The following GALNT17 variants were observed in gnomAD, a reference collection of about 807,000 sequenced individuals.
The protein encoded by GALNT17 is UDP-GalNAc:polypeptide N-acetylgalactosaminyltransferase-like 3.
GALNT17 carries 29 observed loss-of-function variants against 63.7 expected under a neutral mutation model. The observed-to-expected ratio is 0.46, with a 90% CI of 0.34 to 0.62. The LOEUF (loss-of-function observed/expected upper bound fraction) is 0.62, where lower values mean the gene tolerates loss of function less well. Ranked by LOEUF, GALNT17 falls within the 20% of genes least tolerant of loss-of-function variation. The pLI, the probability that GALNT17 is intolerant of heterozygous loss-of-function variation, is 0.01. For synonymous variants in GALNT17, 305 were observed against 318.3 expected, an observed-to-expected ratio of 0.96 and a Z score of 0.45; for missense variants, 603 against 799.6, an observed-to-expected ratio of 0.75 and a Z score of 2.97.
At chr7:71,278,156 G>A (rs186322144) in intron 1 of GALNT17, among the ~76,000 whole-genome samples, 1 of 152,322 alleles carries the variant, frequency 6.6e-6, no homozygotes, top group Non-Finnish European at 1.5e-5. Context: ...CTATGTTTCT[G>A]TTTAATCCAC....
At chr7:71,674,730 T>G (rs1429584135) in intron 8 of GALNT17, among the ~76,000 whole-genome samples, 1 of 152,150 alleles carries the variant, frequency 6.6e-6, no homozygotes, top group Non-Finnish European at 1.5e-5. Flanking sequence ...TTGCCCAGGC[T>G]TGTCTCACAC....
At chr7:71,187,750 T>G (rs898111979) in intron 1 of GALNT17, among the ~76,000 whole-genome samples, 3 of 152,162 alleles carry the variant, frequency 2.0e-5, no homozygotes, top group African/African-American at 7.2e-5. Flanking sequence ...AAAAATTTTT[T>G]ATTTCCATAG....
At chr7:71,150,397 A>T (rs1788107709) in intron 1 of GALNT17, among the ~76,000 whole-genome samples, 1 of 151,842 alleles carries the variant, frequency 6.6e-6, no homozygotes, top group South Asian at 2.1e-4. Flanking sequence ...GGGCCATGTG[A>T]TTGAGTTCAG....
intron 6 of GALNT17, among the ~76,000 whole-genome samples, chr7:71,602,235 A>G (rs1789976517): frequency 6.6e-6 from 1 of 152,208 alleles, no homozygotes; most frequent in Admixed American, 6.5e-5. Flanking sequence ...AAGAGAAATG[A>G]TGCTATTTTA....
intron 1 of GALNT17, among the ~76,000 whole-genome samples, chr7:71,331,299 A>G (rs970403561): frequency 6.6e-6 from 1 of 152,188 alleles, no homozygotes; most frequent in Non-Finnish European, 1.5e-5. Flanking sequence ...CTGCCTTAAA[A>G]TAAGCTTCCT....
At chr7:71,426,996 A>G (rs1185335651) in intron 5 of GALNT17, among the ~76,000 whole-genome samples, 1 of 152,086 alleles carries the variant, frequency 6.6e-6, no homozygotes, top group Non-Finnish European at 1.5e-5. Context: ...ATCAATCCAT[A>G]TTAATAATGA....
rs1791616600 is a variant in GALNT17, at chr7:71,321,902, C to CCTTCCTTT, written c.239-13641_239-13640insTCTTCCTT. ...TCCTTCCTTCCTTCCTTCCTTCCTT[C>CCTTCCTTT]CTTCCTTCCTTCCTTCCTTCCCCTC... On this transcript the variant is annotated intron_variant, in intron 1 of 10. Transcript: ENST00000333538. Among the ~76,000 whole-genome samples the CCTTCCTTT allele has an allele frequency of 2.8e-3, 193 of 70,030 alleles. 5 individuals carry two copies. Among genetic ancestry groups the CCTTCCTTT allele is most frequent in the African/African-American group, 9.0e-3 (152 of 16,822 alleles). 45.9% of individuals were successfully genotyped at this position (70,030 alleles called of 152,430 possible).
chr7:71,264,204 G>A (rs1051727339), intron 1 of GALNT17, among the ~76,000 whole-genome samples: 6 of 152,190 alleles, frequency 3.9e-5, no homozygotes, highest in Admixed American at 3.9e-4. Context: ...ATTCCTCTTG[G>A]ACCTGCTCTC....
chr7:71,316,628 G>A (rs1428305829), intron 1 of GALNT17, among the ~76,000 whole-genome samples: 1 of 152,076 alleles, frequency 6.6e-6, no homozygotes, highest in Non-Finnish European at 1.5e-5. Context: ...CTGGAGGGAG[G>A]AAAGGCTGAT....
At chr7:71,275,235 T>TA (rs1255136929) in intron 1 of GALNT17, among the ~76,000 whole-genome samples, 1 of 152,072 alleles carries the variant, frequency 6.6e-6, no homozygotes, top group African/African-American at 2.4e-5. Context: ...GGGGGGTCCT[T>TA]ACGTTAATAA....
Position 71,683,464 on chromosome 7 carries a change from A to G in GALNT17, c.1500+6158A>G, listed in dbSNP as rs376743782. Among the ~76,000 whole-genome samples the G allele has an allele frequency of 2.0e-4, 31 of 152,280 alleles. No homozygotes were observed. In the South Asian group the frequency reaches 6.4e-3, roughly 32 times the overall value. ...TCTCAGCAGAAGGAATTGGTGCTCC[A>G]CGGACATCGCTAGCTTAATTAATGG... On this transcript the variant is annotated intron_variant, in intron 9 of 10. Coordinates refer to ENST00000333538, the MANE Select transcript of GALNT17 (RefSeq NM_022479.3).
At chr7:71,492,406 C>G (rs929783258) in intron 5 of GALNT17, among the ~76,000 whole-genome samples, 1 of 152,166 alleles carries the variant, frequency 6.6e-6, no homozygotes, top group African/African-American at 2.4e-5. Context: ...CCTAGAGCTG[C>G]TAGGAGCCTC....
At chr7:71,192,731 A>G (rs755655084) in intron 1 of GALNT17, among the ~76,000 whole-genome samples, 5 of 152,138 alleles carry the variant, frequency 3.3e-5, no homozygotes, top group African/African-American at 9.7e-5. Context: ...TAAATTTAGA[A>G]AATCATTGTA....
chr7:71,439,675 T>G (rs1787030554), intron 5 of GALNT17, among the ~76,000 whole-genome samples: 1 of 152,208 alleles, frequency 6.6e-6, no homozygotes, highest in Non-Finnish European at 1.5e-5. Context: ...ATTTTAAATT[T>G]AAGGATTTTT....
chr7:71,151,028 G>A (rs1035636781), intron 1 of GALNT17, among the ~76,000 whole-genome samples: 1 of 151,772 alleles, frequency 6.6e-6, no homozygotes, highest in African/African-American at 2.4e-5. Flanking sequence ...TGACTAAGTG[G>A]AGCAGAGTAC....
At chr7:71,683,860 T>A (rs1051264766) in intron 9 of GALNT17, among the ~76,000 whole-genome samples, 1 of 151,732 alleles carries the variant, frequency 6.6e-6, no homozygotes, top group Admixed American at 6.6e-5. Flanking sequence ...ATACAAAAAT[T>A]AGCCAGGTGT....
At chr7:71,671,075 A>G (rs545794098) in intron 8 of GALNT17, among the ~76,000 whole-genome samples, 1 of 148,126 alleles carries the variant, frequency 6.8e-6, no homozygotes, top group East Asian at 2.2e-4. Flanking sequence ...ATGGCCGCAC[A>G]TGGTTCCACT....
chr7:71,558,061 G>A (rs1428547792), intron 5 of GALNT17, among the ~76,000 whole-genome samples: 1 of 152,080 alleles, frequency 6.6e-6, no homozygotes, highest in African/African-American at 2.4e-5. Flanking sequence ...GCCACAGAGC[G>A]AGACTCTGTC....
chr7:71,305,130 G>A (rs935432713), intron 1 of GALNT17, among the ~76,000 whole-genome samples: 1 of 152,168 alleles, frequency 6.6e-6, no homozygotes, highest in African/African-American at 2.4e-5. Context: ...TACAGATATA[G>A]TTATGGATAT....
Sources: gnomAD v4.1 joint callset for allele counts (sites outside exome capture counted in the v4.1 genomes callset) on GRCh38, gnomAD v4.1.1 for gene constraint, MANE v1.5 for transcripts, NCBI Gene and HGNC (gene_info 2026-07-23, HGNC 2026-07-21) for gene names.